Variants in ROBO2 observed in about 807,000 individuals in gnomAD.
The protein encoded by ROBO2 is roundabout homolog 2.
ROBO2 carries 53 observed loss-of-function variants against 160.8 expected under a neutral mutation model. The ratio of observed to expected loss-of-function variants is 0.33; its 90% CI spans 0.26 to 0.41. ROBO2 has a LOEUF of 0.41. Ranked by LOEUF, ROBO2 falls within the 10% of genes least tolerant of loss-of-function variation. ROBO2 has a pLI of 1.00. For synonymous variants in ROBO2, 664 were observed against 611.7 expected (o/e 1.09, Z -1.26); for missense variants, 1,577 against 1,722.4 (o/e 0.92, Z 1.49).
intron 2 of ROBO2, among the ~76,000 whole-genome samples, chr3:77,406,792 C>G (rs1311604474): frequency 6.6e-6 from 1 of 152,094 alleles, no homozygotes; most frequent in African/African-American, 2.4e-5. Context: ...GTCACAATTT[C>G]TAACTATTTT....
intron 2 of ROBO2, among the ~76,000 whole-genome samples, chr3:76,941,329 TTCA>T (rs2078172484): frequency 6.6e-6 from 1 of 152,208 alleles, no homozygotes. Flanking sequence ...AATTTGTTAA[TTCA>T]TCACTGCATT....
At chr3:76,835,014 A>G (rs559918400) in intron 2 of ROBO2, among the ~76,000 whole-genome samples, 3 of 152,308 alleles carry the variant, frequency 2.0e-5, no homozygotes, top group African/African-American at 7.2e-5. Flanking sequence ...AAGGAATTAT[A>G]TCTTATAAAT....
chr3:76,278,167 AAC>A (rs1033133951), intron 2 of ROBO2, among the ~76,000 whole-genome samples: 18 of 151,960 alleles, frequency 1.2e-4, no homozygotes, highest in Non-Finnish European at 2.4e-4. Context: ...GGGTGATGAA[AAC>A]AGAGACTGAA....
intron 2 of ROBO2, among the ~76,000 whole-genome samples, chr3:76,252,649 T>A (rs1222929881): frequency 6.6e-6 from 1 of 151,852 alleles, no homozygotes; most frequent in Non-Finnish European, 1.5e-5. Flanking sequence ...AAAGGTATGT[T>A]GTTGCTAATG....
intron 2 of ROBO2, among the ~76,000 whole-genome samples, chr3:76,828,618 T>C (rs979523908): frequency 2.6e-5 from 4 of 152,146 alleles, no homozygotes; most frequent in South Asian, 2.1e-4. Flanking sequence ...ACTGTCCCAT[T>C]ATTAGGTAAT....
At chr3:76,787,876 A>G (rs1257808221) in intron 2 of ROBO2, among the ~76,000 whole-genome samples, 1 of 151,494 alleles carries the variant, frequency 6.6e-6, no homozygotes, top group Non-Finnish European at 1.5e-5. Flanking sequence ...ACGTATCTTA[A>G]TTGCTTTTAC....
intron 2 of ROBO2, among the ~76,000 whole-genome samples, chr3:77,252,831 A>AAATAT: frequency 2.4e-4 from 3 of 12,520 alleles, no homozygotes; most frequent in African/African-American, 3.2e-4. Flanking sequence ...AAAAAAAAAA[A>AAATAT]ATATATATAT....
chr3:75,993,170 G>A (rs2065623369), intron 2 of ROBO2, among the ~76,000 whole-genome samples: 1 of 152,122 alleles, frequency 6.6e-6, no homozygotes, highest in South Asian at 2.1e-4. Context: ...TGAGATTTGG[G>A]AGGGTCCAGG....
rs566991264 is a variant in ROBO2 at position 76,179,052 on chromosome 3, T to C, written c.109+241450T>C. Among the ~76,000 whole-genome samples the C allele has an allele frequency of 7.9e-5, 12 of 152,264 alleles. No homozygotes were observed. In the South Asian group the frequency reaches 2.5e-3, roughly 32 times the overall value. ...TTTTAAGTTAGAAAAGTTATTAATATCATTATTTGCACTATAAGTATTTGA... is the reference window on the plus strand; with the variant it reads ...TTTTAAGTTAGAAAAGTTATTAATACCATTATTTGCACTATAAGTATTTGA... On this transcript the variant is annotated intron_variant, in intron 2 of 26. Transcript: ENST00000487694.
Position 77,596,761 on chromosome 3 carries a change from T to C in ROBO2, c.2854+11T>C. ...ATTTTGGCCGTGGAGGTAAGTTGTG[T>C]TTTTTAAAATAGTGTTATTTGAGTT... On this transcript the variant is annotated intron_variant, in intron 19 of 25. Coordinates refer to ENST00000461745, the Ensembl canonical transcript of ROBO2. 6.2e-7 allele frequency: 1 copy of C among 1,612,266 alleles called. No homozygotes were observed. The highest frequency in any genetic ancestry group is 8.5e-7 in the Non-Finnish European group (1 of 1,179,558).
chr3:76,461,692 G>A (rs991952707), intron 2 of ROBO2, among the ~76,000 whole-genome samples: 1 of 152,088 alleles, frequency 6.6e-6, no homozygotes, highest in East Asian at 1.9e-4. Context: ...AAAGCTCTTG[G>A]TAAGCAATGA....
intron 2 of ROBO2, among the ~76,000 whole-genome samples, chr3:77,275,181 T>C (rs539839202): frequency 6.6e-6 from 1 of 152,220 alleles, no homozygotes; most frequent in East Asian, 1.9e-4. Context: ...CATATATAGA[T>C]ACAAACCAGA....
chr3:76,409,680 T>A (rs6762190), intron 2 of ROBO2, among the ~76,000 whole-genome samples: 45,305 of 151,974 alleles, frequency 0.3, 8,260 homozygotes, highest in African/African-American at 0.5. Flanking sequence ...TGTTCCTTAA[T>A]AAGTTATGAC....
At chr3:76,764,809 A>G (rs2061488159) in intron 2 of ROBO2, among the ~76,000 whole-genome samples, 1 of 151,682 alleles carries the variant, frequency 6.6e-6, no homozygotes, top group African/African-American at 2.4e-5. Context: ...CACCCTGTAC[A>G]TACTTCTGTT....
intron 1 of ROBO2, among the ~76,000 whole-genome samples, chr3:77,058,767 G>C (rs1329661959): frequency 6.6e-5 from 10 of 151,708 alleles, no homozygotes. Context: ...CCAACTCCTG[G>C]GCTCAAGCGA....
At chr3:76,908,041 T>C (rs998634024) in intron 2 of ROBO2, among the ~76,000 whole-genome samples, 1 of 152,088 alleles carries the variant, frequency 6.6e-6, no homozygotes. Context: ...GTTTTCACCA[T>C]GTTGGCCAGG....
At chr3:77,302,696 A>G (rs2062765488) in intron 2 of ROBO2, among the ~76,000 whole-genome samples, 1 of 152,200 alleles carries the variant, frequency 6.6e-6, no homozygotes, top group Non-Finnish European at 1.5e-5. Flanking sequence ...TCAGGTATCT[A>G]TTGGAAAATA....
chr3:77,259,242 T>A (rs937098164), intron 2 of ROBO2, among the ~76,000 whole-genome samples: 2 of 152,208 alleles, frequency 1.3e-5, no homozygotes, highest in African/African-American at 4.8e-5. Flanking sequence ...CTCTCTGAGA[T>A]GAGAATCATA....
At chr3:76,903,751 C>A (rs532009606) in intron 2 of ROBO2, among the ~76,000 whole-genome samples, 1 of 152,088 alleles carries the variant, frequency 6.6e-6, no homozygotes, top group Non-Finnish European at 1.5e-5. Flanking sequence ...TCTTGTGTAA[C>A]GATAGGCACA....
Sources: allele counts gnomAD v4.1 joint callset (sites outside exome capture counted in the v4.1 genomes callset), GRCh38; gene constraint gnomAD v4.1.1; transcripts MANE v1.5; gene names NCBI Gene and HGNC (gene_info 2026-07-23, HGNC 2026-07-21).